ASCC2: variants seen among roughly 807,000 people sequenced by gnomAD.
ASCC2 encodes activating signal cointegrator 1 complex subunit 2.
In ASCC2, 42 loss-of-function variants were observed where a neutral mutation model predicts 93.5. The observed-to-expected ratio is 0.45, with a 90% CI of 0.35 to 0.58. ASCC2 has a LOEUF of 0.58. Ranked by LOEUF, ASCC2 falls within the 20% of genes least tolerant of loss-of-function variation. The probability of loss-of-function intolerance (pLI) is 0.00; values close to 1 mark genes in which losing one functional copy is unlikely to be tolerated. For missense variants in ASCC2, 859 were observed against 977.6 expected (o/e 0.88, Z 1.62); for synonymous variants, 364 against 384.2 (o/e 0.95, Z 0.62).
chr22:29,798,789 C>T (rs1343087549), intron 15 of ASCC2, among the ~76,000 whole-genome samples: 1 of 152,246 alleles, frequency 6.6e-6, no homozygotes, highest in East Asian at 1.9e-4. Context: ...GAGGGCAAGG[C>T]CGGGTATCCA....
intron 1 of ASCC2, among the ~76,000 whole-genome samples, chr22:29,834,923 G>C (rs1413243535): frequency 6.6e-6 from 1 of 152,182 alleles, no homozygotes; most frequent in East Asian, 1.9e-4. Flanking sequence ...AACCAGTGCA[G>C]AAGTCTAAAT....
intron 17 of ASCC2, 98 bp downstream of exon 17, chr22:29,793,262 C>T (rs2058000086): frequency 6.5e-7 from 1 of 1,536,272 alleles, no homozygotes; most frequent in Non-Finnish European, 8.8e-7. Context: ...TGGGTTTGGG[C>T]CCTGGATCTG....
chr22:29,815,985 C>A (rs377069399), intron 6 of ASCC2, 21 bp downstream of exon 6: 5 of 1,567,622 alleles, frequency 3.2e-6, no homozygotes, highest in Admixed American at 1.9e-5. Flanking sequence ...ACCTCCCCTG[C>A]GCAGGGCCAA....
chr22:29,827,097 CAAAAAA>C (rs58520896), intron 2 of ASCC2, among the ~76,000 whole-genome samples: 2 of 57,210 alleles, frequency 3.5e-5, no homozygotes, highest in African/African-American at 1.1e-4. Flanking sequence ...GACTCCATCT[CAAAAAA>C]AAAAAAAAAA....
At position 29,788,757 on chromosome 22, in the gene ASCC2, G is replaced by T; in HGVS notation, c.*256C>A. 1 of 513,674 alleles carries T rather than the reference G, an allele frequency of 1.9e-6. No individual in the cohort carries two copies. 31.8% of individuals were successfully genotyped at this position (513,674 alleles called of 1,614,324 possible). A position where few individuals can be genotyped will look rare whatever the true frequency, so the allele number is the denominator to read the frequency against. On this transcript the variant is annotated 3_prime_UTR_variant, in exon 20 of 20. Transcript: ENST00000307790. ...GGGACTCCATCCCCATCTCTTTCCC[G>T]CTAGCGCAGCTGGGGGAAGGTGCCT...
intron 18 of ASCC2, among the ~76,000 whole-genome samples, chr22:29,791,312 G>A (rs969897747): frequency 1.3e-5 from 2 of 152,068 alleles, no homozygotes; most frequent in African/African-American, 4.8e-5. Flanking sequence ...AGGAGTTTGA[G>A]GCTGTAGTAA....
Position 29,793,632 on chromosome 22 carries a change from C to T in ASCC2, c.1733G>A (p.Arg578His), listed in dbSNP as rs753377208. The T allele has an allele frequency of 3.0e-5, 48 of 1,601,684 alleles. 1 individual carries two copies. The highest frequency in any genetic ancestry group is 6.7e-5 in the African/African-American group (5 of 74,638). Residue 578 changes from arginine (R) to histidine (H), a missense_variant, in exon 16 of 20, where the codon CGT becomes CAT. Coordinates refer to ENST00000307790, the MANE Select transcript of ASCC2 (RefSeq NM_032204.5). ...ENTRSLLNDKRAVAAQRQRYE... is the reference protein window; with the variant it reads ...ENTRSLLNDKHAVAAQRQRYE... Reference sequence around the variant, plus strand: ...GCGCTGCCGCTGTGCCGCCACTGCACGCTTGTCGTTCAGCAAACTCCGCGT... The same window carrying T: ...GCGCTGCCGCTGTGCCGCCACTGCATGCTTGTCGTTCAGCAAACTCCGCGT...
chr22:29,824,895 A>G (rs2062100099), intron 4 of ASCC2, among the ~76,000 whole-genome samples, 192 bp downstream of exon 4: 1 of 152,224 alleles, frequency 6.6e-6, no homozygotes, highest in Admixed American at 6.5e-5. Flanking sequence ...TACTGGGTGT[A>G]ACACAGACCA....
chr22:29,837,744 C>T (rs2064020960), intron 1 of ASCC2, among the ~76,000 whole-genome samples: 1 of 152,196 alleles, frequency 6.6e-6, no homozygotes, highest in Non-Finnish European at 1.5e-5. Flanking sequence ...ACTGTCATAG[C>T]TTTAATGACC....
At position 29,806,843 on chromosome 22, in the gene ASCC2, G is replaced by A; in HGVS notation, c.970C>T (p.His324Tyr). 4.3e-6 allele frequency: 7 copies of A among 1,614,056 alleles called. No individual in the cohort carries two copies. The highest frequency in any genetic ancestry group is 5.9e-6 in the Non-Finnish European group (7 of 1,179,934). Residue 324 changes from histidine to tyrosine, a missense_variant, in exon 10 of 20, where the codon CAC becomes TAC. His to Tyr is a moderately conservative substitution (Grantham distance 83). Transcript: ENST00000307790. The stretch of plus-strand genomic sequence containing the variant: ...AGGCAGATCTGGTTCAGGATGATGT[G>A]GAAAATCTCCATTAGCTTCTTCCTG... ...HSRKKLMEIF[H>Y]IILNQICLLP...
intron 12 of ASCC2, among the ~76,000 whole-genome samples, chr22:29,805,083 A>T (rs759410675): frequency 2.6e-5 from 4 of 152,168 alleles, no homozygotes; most frequent in Non-Finnish European, 5.9e-5. Flanking sequence ...GGCTGCCATC[A>T]GAGTGTCCTG....
chr22:29,836,836 A>G (rs2063855963), intron 1 of ASCC2, among the ~76,000 whole-genome samples: 1 of 152,200 alleles, frequency 6.6e-6, no homozygotes, highest in South Asian at 2.1e-4. Context: ...TACAGGCATG[A>G]GTCACTGCCC....
Position 29,801,071 on chromosome 22 carries a change from G to T in ASCC2, c.1608C>A (p.Arg536=). ...KPDPTPLLTS[R]HNVFQNDEFD... is the part of the protein sequence containing the mutation. Reference sequence around the variant, plus strand: ...ACTCGTCATTCTGGAAGACGTTGTGGCGAGACGTCAGCAGGGGTGTAGGGT... The same window carrying T: ...ACTCGTCATTCTGGAAGACGTTGTGTCGAGACGTCAGCAGGGGTGTAGGGT... Residue 536 remains arginine, a synonymous_variant, in exon 15 of 20, where the codon CGC becomes CGA. Coordinates refer to ENST00000307790, the MANE Select transcript of ASCC2 (RefSeq NM_032204.5). 1.9e-6 allele frequency: 3 copies of T among 1,608,996 alleles called. No homozygotes were observed. The highest frequency in any genetic ancestry group is 2.6e-6 in the Non-Finnish European group (3 of 1,175,914).
intron 18 of ASCC2, 55 bp from the exon 19 acceptor site, chr22:29,790,603 A>C (rs2057594572): frequency 3.9e-6 from 6 of 1,550,276 alleles, no homozygotes; most frequent in Non-Finnish European, 5.3e-6. Flanking sequence ...CATTTTCCTA[A>C]GCGGCGATGA....
intron 15 of ASCC2, among the ~76,000 whole-genome samples, chr22:29,795,643 C>A (rs923021459): frequency 6.6e-6 from 1 of 152,150 alleles, no homozygotes; most frequent in Non-Finnish European, 1.5e-5. Context: ...GTTTGGAAGC[C>A]CAACTCTGGT....
chr22:29,817,048 A>C (rs917685852), intron 5 of ASCC2, among the ~76,000 whole-genome samples: 2 of 152,196 alleles, frequency 1.3e-5, no homozygotes, highest in Non-Finnish European at 2.9e-5. Context: ...TTGAAAAATG[A>C]ATGAGTTCAA....
At chr22:29,837,069 G>C (rs1485984562) in intron 1 of ASCC2, among the ~76,000 whole-genome samples, 1 of 152,240 alleles carries the variant, frequency 6.6e-6, no homozygotes, top group African/African-American at 2.4e-5. Flanking sequence ...ATTTAAAAGA[G>C]AGACCTGGCT....
intron 10 of ASCC2, 55 bp downstream of exon 10, chr22:29,806,742 C>T: frequency 2.0e-6 from 3 of 1,526,506 alleles, no homozygotes; most frequent in Admixed American, 1.7e-5. Flanking sequence ...GGAAACGCTC[C>T]TGAAGGGCTT....
At chr22:29,820,405 G>A (rs1205862674) in intron 5 of ASCC2, among the ~76,000 whole-genome samples, 3 of 151,714 alleles carry the variant, frequency 2.0e-5, no homozygotes, top group African/African-American at 7.3e-5. Flanking sequence ...CTCGTGATTT[G>A]CCTGCCTCGG....
Sources: gnomAD v4.1 joint callset for allele counts (sites outside exome capture counted in the v4.1 genomes callset) on GRCh38, gnomAD v4.1.1 for gene constraint, MANE v1.5 for transcripts, NCBI Gene and HGNC (gene_info 2026-07-23, HGNC 2026-07-21) for gene names.